Variants in BRCA1 observed in about 807,000 individuals in gnomAD.
BRCA1 encodes the protein breast cancer type 1 susceptibility protein.
BRCA1 carries 140 observed loss-of-function variants against 173.7 expected under a neutral mutation model. The ratio of observed to expected loss-of-function variants is 0.81; its 90% CI spans 0.70 to 0.93. BRCA1 has a LOEUF of 0.93. BRCA1 is among the 40% of genes least tolerant of loss of function. The pLI is 0.00. For synonymous variants in BRCA1, 662 were observed against 756.0 expected (o/e 0.88, Z 2.04); for missense variants, 1,983 against 2,172.5 (o/e 0.91, Z 1.73).
rs899108857 is a variant in BRCA1, at chr17:43,074,409, C to A, written c.4597G>T (p.Asp1533Tyr). 5.0e-6 allele frequency: 8 copies of A among 1,614,178 alleles called. No homozygotes were observed. Among genetic ancestry groups the A allele is most frequent in the South Asian group, 3.3e-5 (3 of 91,080 alleles). The stretch of plus-strand genomic sequence containing the variant: ...TCTTCCAGCTGTTGCTCCTCCACAT[C>A]AACAACCTTAATGAGCTCCTCTTGA... The part of the protein sequence containing the change: ...PSQEELIKVV[D>Y]VEEQQLEESG... The change falls in exon 14 of 23, where the codon GAT becomes TAT. Residue 1533 changes from aspartate (D) to tyrosine (Y), a missense_variant. By Grantham distance (160) the Asp-to-Tyr change is radical. Transcript: ENST00000357654.
intron 1 of BRCA1, 26 bp downstream of exon 1, chr17:43,125,245 C>T (rs746485760): frequency 2.2e-6 from 1 of 456,124 alleles, no homozygotes; most frequent in African/African-American, 2.0e-5. Context: ...CTTGGGCCCC[C>T]TGTCCCTTTC....
intron 16 of BRCA1, among the ~76,000 whole-genome samples, chr17:43,064,575 G>C (rs1230999848): frequency 6.6e-6 from 1 of 152,164 alleles, no homozygotes; most frequent in Non-Finnish European, 1.5e-5. Flanking sequence ...ACTAAGGAAA[G>C]ACCATTTAGT....
chr17:43,104,057 C>CA (rs72434991), intron 6 of BRCA1, 65 bp downstream of exon 6: 33,482 of 1,229,174 alleles, frequency 0.027, 1 homozygote, highest in Non-Finnish European at 0.03. Flanking sequence ...GACTCCATCT[C>CA]AAAAAAAAAA....
intron 1 of BRCA1, among the ~76,000 whole-genome samples, chr17:43,153,238 T>C (rs548717333): frequency 1.3e-5 from 2 of 152,164 alleles, no homozygotes; most frequent in South Asian, 4.1e-4. Flanking sequence ...TAAAAGAAAT[T>C]AAAGAACGTG....
intron 1 of BRCA1, among the ~76,000 whole-genome samples, chr17:43,158,090 TA>T (rs1446587577): frequency 6.6e-6 from 1 of 152,182 alleles, no homozygotes; most frequent in Non-Finnish European, 1.5e-5. Context: ...AATAAAAATT[TA>T]GCATTAACTT....
At chr17:43,141,992 A>G (rs1263561546) in intron 1 of BRCA1, among the ~76,000 whole-genome samples, 1 of 151,210 alleles carries the variant, frequency 6.6e-6, no homozygotes, top group East Asian at 2.0e-4. Flanking sequence ...GCTCACTGCA[A>G]CCTCCGTCTC....
At chr17:43,071,447 C>T (rs549136682) in intron 14 of BRCA1, among the ~76,000 whole-genome samples, 1 of 152,216 alleles carries the variant, frequency 6.6e-6, no homozygotes, top group African/African-American at 2.4e-5. Context: ...CGTATTTACA[C>T]TTTCAGTCAA....
At chr17:43,131,845 G>A (rs1346573924) in intron 1 of BRCA1, among the ~76,000 whole-genome samples, 32 of 151,944 alleles carry the variant, frequency 2.1e-4, no homozygotes, top group East Asian at 3.9e-4. Context: ...GTGCAGTGGC[G>A]CAATCTCAGC....
At chr17:43,077,747 T>A (rs1040459298) in intron 12 of BRCA1, among the ~76,000 whole-genome samples, 2 of 18,332 alleles carry the variant, frequency 1.1e-4, no homozygotes, top group East Asian at 1.5e-3. Context: ...TTATTTATTT[T>A]TTTTGAGATG....
At chr17:43,126,742 C>T (rs1272587933), upstream of BRCA1, among the ~76,000 whole-genome samples, 1 of 152,150 alleles carries the variant, frequency 6.6e-6, no homozygotes, top group African/African-American at 2.4e-5. Flanking sequence ...TCTGGCCGTG[C>T]TGGAGGAGCC....
intron 1 of BRCA1, among the ~76,000 whole-genome samples, chr17:43,150,823 A>AC (rs1309499664): frequency 3.9e-5 from 6 of 152,136 alleles, no homozygotes; most frequent in East Asian, 3.9e-4. Context: ...AGTCAGGGTG[A>AC]CCAAGTTCTC....
At position 43,159,604 on chromosome 17, in the gene BRCA1, C is replaced by T. The variant is rs566159632; in HGVS notation, c.-20+10522G>A. On this transcript the variant is annotated intron_variant, in intron 1 of 7. Coordinates refer to the BRCA1 transcript ENST00000634433. ...CTCACCTCCCAGACGGGGTCGCGGC[C>T]GGGCAGAGGCGCTCCTCACATCACA... 20 of 230,156 alleles carry T rather than the reference C, an allele frequency of 8.7e-5. No homozygotes were observed. The Middle Eastern group carries it at 6.5e-3, about 75-fold the overall frequency. 14.3% of individuals were successfully genotyped at this position (230,156 alleles called of 1,614,324 possible). A position where few individuals can be genotyped will look rare whatever the true frequency, so the allele number is the denominator to read the frequency against.
At chr17:43,098,733 C>T (rs866640940) in intron 7 of BRCA1, among the ~76,000 whole-genome samples, 17 of 151,738 alleles carry the variant, frequency 1.1e-4, no homozygotes, top group African/African-American at 3.6e-4. Context: ...GTCTTAAACT[C>T]GTGGACTCAA....
intron 18 of BRCA1, among the ~76,000 whole-genome samples, chr17:43,060,795 C>T (rs2051717232): frequency 6.6e-6 from 1 of 152,096 alleles, no homozygotes; most frequent in Non-Finnish European, 1.5e-5. Flanking sequence ...GCACGAGCCA[C>T]CACACACGAC....
intron 1 of BRCA1, among the ~76,000 whole-genome samples, chr17:43,134,349 G>A (rs1167815154): frequency 6.6e-6 from 1 of 152,172 alleles, no homozygotes; most frequent in African/African-American, 2.4e-5. Flanking sequence ...AAGAAGTGGG[G>A]TGGCTTGGGA....
chr17:43,062,450 G>C (rs1445204635), intron 18 of BRCA1, among the ~76,000 whole-genome samples: 1 of 152,102 alleles, frequency 6.6e-6, no homozygotes, highest in Non-Finnish European at 1.5e-5. Flanking sequence ...TTCTACAAAG[G>C]TATATGCAAG....
chr17:43,079,609 C>A, intron 12 of BRCA1: 1 of 837,722 alleles, frequency 1.2e-6, no homozygotes. Flanking sequence ...GCCAAGACAG[C>A]TTCCTGAAAC....
At chr17:43,097,907 G>A (rs566810396) in intron 7 of BRCA1, among the ~76,000 whole-genome samples, 3 of 152,156 alleles carry the variant, frequency 2.0e-5, no homozygotes, top group Non-Finnish European at 4.4e-5. Flanking sequence ...AAAACAGTAA[G>A]TGTTATGATA....
At chr17:43,083,874 A>AT (rs1380052862) in intron 11 of BRCA1, among the ~76,000 whole-genome samples, 2 of 151,708 alleles carry the variant, frequency 1.3e-5, no homozygotes, top group Non-Finnish European at 2.9e-5. Flanking sequence ...TTATTTATTT[A>AT]TTTTTTTTGA....
Sources: gnomAD v4.1 joint callset for allele counts (sites outside exome capture counted in the v4.1 genomes callset) on GRCh38, gnomAD v4.1.1 for gene constraint, MANE v1.5 for transcripts, NCBI Gene and HGNC (gene_info 2026-07-23, HGNC 2026-07-21) for gene names.